The following THOC7 variants were observed in gnomAD, a reference collection of about 807,000 sequenced individuals.
The protein encoded by THOC7 is THO complex subunit 7.
THOC7 carries 22 observed loss-of-function variants against 33.1 expected under a neutral mutation model. The ratio of observed to expected loss-of-function variants is 0.66; its 90% CI spans 0.47 to 0.95. THOC7 has a LOEUF of 0.95. THOC7 is among the 40% of genes least tolerant of loss of function. The pLI, the probability that THOC7 is intolerant of heterozygous loss-of-function variation, is 0.00. For synonymous variants in THOC7, 77 were observed against 76.8 expected (o/e 1.00, Z -0.01); for missense variants, 184 against 245.3 (o/e 0.75, Z 1.67).
upstream of THOC7, among the ~76,000 whole-genome samples, chr3:63,864,279 G>A (rs1021203088): frequency 1.3e-5 from 2 of 151,588 alleles, no homozygotes; most frequent in Non-Finnish European, 3.0e-5. Flanking sequence ...CCCATCCAGG[G>A]TGACGCTGCT....
intron 1 of THOC7, among the ~76,000 whole-genome samples, chr3:63,845,302 G>T (rs1307803824): frequency 1.3e-5 from 2 of 152,202 alleles, no homozygotes; most frequent in African/African-American, 4.8e-5. Context: ...CATGACTTCT[G>T]GGTTCATAGT....
chr3:63,859,381 C>T lies in THOC7; in HGVS notation c.19+4391G>A, dbSNP rs139724826. On this transcript the variant is annotated intron_variant, in intron 1 of 7. Transcript: ENST00000295899. ...AGCTCCCTTTTACCTCCTTTTGCAT[C>T]GTACTCCTCTTGGCCCACCTGGATG... Among the ~76,000 whole-genome samples the T allele has an allele frequency of 1.6e-4, 24 of 152,350 alleles. No individual in the cohort carries two copies. The East Asian group carries it at 3.5e-3, about 22-fold the overall frequency.
intron 1 of THOC7, among the ~76,000 whole-genome samples, chr3:63,853,944 T>C (rs554085546): frequency 2.4e-4 from 36 of 152,172 alleles, no homozygotes; most frequent in African/African-American, 8.4e-4. Context: ...ACAACTTGTA[T>C]CATCCTATAA....
intron 1 of THOC7, among the ~76,000 whole-genome samples, chr3:63,856,787 G>A (rs890985882): frequency 6.6e-6 from 1 of 151,578 alleles, no homozygotes; most frequent in East Asian, 1.9e-4. Flanking sequence ...GCGCTATCTC[G>A]GCTCACTGCA....
intron 1 of THOC7, among the ~76,000 whole-genome samples, chr3:63,856,413 T>C (rs1295772106): frequency 2.0e-5 from 3 of 152,168 alleles, no homozygotes; most frequent in Non-Finnish European, 4.4e-5. Context: ...AGAATGTTTA[T>C]AACAAATGAT....
intron 5 of THOC7, 139 bp from the exon 6 acceptor site, chr3:63,835,529 G>A: frequency 1.7e-6 from 1 of 604,482 alleles, no homozygotes; most frequent in Non-Finnish European, 2.7e-6. Context: ...CCATTATGGT[G>A]AAACTTTTAA....
rs1701569824 is a variant in THOC7, at chr3:63,833,890, T to C, written c.*242A>G. The C allele has an allele frequency of 2.4e-6, 1 of 422,000 alleles. No individual in the cohort carries two copies. The highest frequency in any genetic ancestry group is 4.2e-6 in the Non-Finnish European group (1 of 237,928). The allele number at this position is 422,000 out of a possible 1,614,324, so 26.1% of individuals were successfully genotyped here. A position where few individuals can be genotyped will look rare whatever the true frequency, so the allele number is the denominator to read the frequency against. On this transcript the variant is annotated 3_prime_UTR_variant, in exon 8 of 8. Transcript: ENST00000295899. ...ACATATGCAGCTTAAAAGCATTTTA[T>C]TAAGCATTTTTGGATGTTGCTTCCT... is the stretch of plus-strand genomic sequence containing the variant.
At chr3:63,851,224 C>T (rs1702015366) in intron 1 of THOC7, among the ~76,000 whole-genome samples, 1 of 152,126 alleles carries the variant, frequency 6.6e-6, no homozygotes, top group South Asian at 2.1e-4. Flanking sequence ...GCTGGAACAA[C>T]AAAAACTCAA....
At position 63,835,330 on chromosome 3, in the gene THOC7, T is replaced by C; in HGVS notation, c.471A>G (p.Glu157=). Residue 157 remains glutamate, a synonymous_variant, in exon 6 of 8, where the codon GAA becomes GAG. Coordinates refer to ENST00000295899, the MANE Select transcript of THOC7 (RefSeq NM_025075.4). ...EHLSHIKESV[E]DKLELRRKQF... is the part of the protein sequence containing the mutation. ...TAAATATATATGCGAATACCTTATC[T>C]TCAACACTTTCTTTAATGTGTGAAA... 1 of 1,613,604 alleles carries C rather than the reference T, an allele frequency of 6.2e-7. No homozygotes were observed. Among genetic ancestry groups the C allele is most frequent in the Non-Finnish European group, 8.5e-7 (1 of 1,179,762 alleles).
intron 7 of THOC7, 105 bp from the exon 8 acceptor site, chr3:63,834,304 A>C: frequency 9.4e-7 from 1 of 1,066,498 alleles, no homozygotes. Context: ...ATACAATTAA[A>C]GCTAAGATGG....
chr3:63,857,514 T>C (rs545894434), intron 1 of THOC7, among the ~76,000 whole-genome samples: 1 of 152,236 alleles, frequency 6.6e-6, no homozygotes, highest in Non-Finnish European at 1.5e-5. Flanking sequence ...GCTCATGTTA[T>C]TAAGATGAAT....
rs116679597 is a variant in THOC7 at position 63,837,977 on chromosome 3, T to C, written c.351A>G (p.Gln117=). Residue 117 remains glutamine (Q), a splice_region_variant and synonymous_variant, in exon 4 of 8, where the codon CAA becomes CAG. Transcript: ENST00000295899. ...CATTAAATCCCTCAAAACCCTTACCTTGGCGATTTTTTCGTATTCGTTTTG... is the reference window on the plus strand; with the variant it reads ...CATTAAATCCCTCAAAACCCTTACCCTGGCGATTTTTTCGTATTCGTTTTG... ...LQAKRIRKNR[Q]EYDALAKVIQ... is the part of the protein sequence containing the mutation. The C allele has an allele frequency of 5.8e-5, 94 of 1,607,354 alleles. No homozygotes were observed. The African/African-American group carries it at 1.2e-3, about 20-fold the overall frequency.
At chr3:63,858,301 G>C (rs906415608) in intron 1 of THOC7, among the ~76,000 whole-genome samples, 2 of 152,092 alleles carry the variant, frequency 1.3e-5, no homozygotes, top group Non-Finnish European at 2.9e-5. Context: ...TCACAGATGA[G>C]TTACTACTCA....
chr3:63,851,203 G>A (rs188846954), intron 1 of THOC7, among the ~76,000 whole-genome samples: 1 of 152,212 alleles, frequency 6.6e-6, no homozygotes, highest in Admixed American at 6.5e-5. Flanking sequence ...GCATCAAATG[G>A]TATGTCTTTA....
upstream of THOC7, chr3:63,863,942 C>CCTGCTCCGACGCCTGA (rs1186393667): frequency 5.1e-5 from 7 of 137,220 alleles, no homozygotes; most frequent in African/African-American, 2.2e-4. Flanking sequence ...GCCTGAGCCG[C>CCTGCTCCGACGCCTGA]GCCGCGCCGC....
At chr3:63,834,729 C>T (rs1295098748) in intron 7 of THOC7, among the ~76,000 whole-genome samples, 1 of 151,406 alleles carries the variant, frequency 6.6e-6, no homozygotes, top group South Asian at 2.1e-4. Flanking sequence ...TCAGGTAACA[C>T]AAAAATTTCC....
chr3:63,856,515 T>C (rs1254994466), intron 1 of THOC7, among the ~76,000 whole-genome samples: 2 of 152,078 alleles, frequency 1.3e-5, no homozygotes, highest in African/African-American at 4.8e-5. Flanking sequence ...ACCCCATAAA[T>C]ATACGCACCT....
In THOC7 at chr3:63,835,025, C is replaced by A. The variant is rs867863832; in HGVS notation, c.547+129G>T. 3.5e-6 allele frequency: 3 copies of A among 851,194 alleles called. No homozygotes were observed. The Admixed American group carries it at 8.9e-5, about 25-fold the overall frequency. The allele number at this position is 851,194 out of a possible 1,614,324, so 52.7% of individuals were successfully genotyped here. A position where few individuals can be genotyped will look rare whatever the true frequency, so the allele number is the denominator to read the frequency against. Reference sequence around the variant, plus strand: ...AAAGTTGAACATGAGTACCTTCTAACGTCATCCAGCTACACTGTTCAGAAA... The same window carrying A: ...AAAGTTGAACATGAGTACCTTCTAAAGTCATCCAGCTACACTGTTCAGAAA... On this transcript the variant is annotated intron_variant, in intron 7 of 7. Transcript: ENST00000295899.
intron 1 of THOC7, among the ~76,000 whole-genome samples, chr3:63,855,847 T>A (rs1702106475): frequency 6.6e-6 from 1 of 152,190 alleles, no homozygotes; most frequent in Admixed American, 6.5e-5. Context: ...AAATGCAGTT[T>A]GGCAAAAAAT....
Sources: allele counts gnomAD v4.1 joint callset (sites outside exome capture counted in the v4.1 genomes callset), GRCh38; gene constraint gnomAD v4.1.1; transcripts MANE v1.5; gene names NCBI Gene and HGNC (gene_info 2026-07-23, HGNC 2026-07-21).